TBC1D2B: variants seen among roughly 807,000 people sequenced by gnomAD.
TBC1D2B encodes TBC1 domain family member 2B, also known as TBC1 domain family, member 2B.
Under a neutral mutation model 100.8 loss-of-function variants are expected in TBC1D2B, and 64 were observed. That is an observed-to-expected ratio of 0.64 (90% CI 0.52 to 0.78). The LOEUF (loss-of-function observed/expected upper bound fraction) is 0.78, where lower values mean the gene tolerates loss of function less well. Among genes scored for constraint, TBC1D2B ranks in the 30% least tolerant of loss-of-function variants. The pLI is 0.00. For synonymous variants in TBC1D2B, 480 were observed against 479.7 expected, an observed-to-expected ratio of 1.00 and a Z score of -0.01; for missense variants, 1,052 against 1,218.4, an observed-to-expected ratio of 0.86 and a Z score of 2.03.
rs142902001 is a variant in TBC1D2B, at chr15:78,066,895, T to C, written c.360+10398A>G. On this transcript the variant is annotated intron_variant, in intron 1 of 12. Coordinates refer to ENST00000300584, the MANE Select transcript of TBC1D2B (RefSeq NM_144572.2). The stretch of plus-strand genomic sequence containing the variant: ...ATCTCTGCCAGGGAAACATCACTGA[T>C]GCCTCCTATCAAGTCAACCCCCACT... Among the ~76,000 whole-genome samples the C allele has an allele frequency of 3.2e-4, 49 of 152,340 alleles. 2 individuals are homozygous for C. The East Asian group carries it at 8.5e-3, about 26-fold the overall frequency.
intron 11 of TBC1D2B, chr15:78,002,732 T>C (rs928787174): frequency 5.2e-5 from 8 of 153,022 alleles, no homozygotes; most frequent in African/African-American, 1.4e-4. Flanking sequence ...CACATGCCAC[T>C]GTGCCCGGCT....
chr15:78,035,109 C>T (rs1181587678), intron 3 of TBC1D2B, among the ~76,000 whole-genome samples: 2 of 152,184 alleles, frequency 1.3e-5, no homozygotes, highest in South Asian at 2.1e-4. Context: ...GTGCCAGGTG[C>T]CCACCTATAA....
chr15:78,001,530 T>G, intron 12 of TBC1D2B, 89 bp downstream of exon 12: 1 of 1,451,860 alleles, frequency 6.9e-7, no homozygotes, highest in Non-Finnish European at 9.2e-7. Flanking sequence ...TGGCTCTGAG[T>G]TGGAAGACAG....
rs187299814 is a variant in TBC1D2B at position 78,001,852 on chromosome 15, C to T, written c.2575-112G>A. The T allele has an allele frequency of 3.2e-4, 402 of 1,239,928 alleles. 3 individuals are homozygous for T. The highest frequency in any genetic ancestry group is 1.9e-3 in the South Asian group (121 of 64,306). The allele number at this position is 1,239,928 out of a possible 1,614,324, so 76.8% of individuals were successfully genotyped here. On this transcript the variant is annotated intron_variant, in intron 11 of 12. Coordinates refer to ENST00000300584, the MANE Select transcript of TBC1D2B (RefSeq NM_144572.2). ...TGGGGACAGGGGGACATGGCTTGCA[C>T]GGTCCCCGCCCTGGGGAAAGACTAT...
intron 1 of TBC1D2B, among the ~76,000 whole-genome samples, chr15:78,055,427 CAAG>C (rs1301782286): frequency 6.6e-6 from 1 of 152,080 alleles, no homozygotes; most frequent in East Asian, 1.9e-4. Context: ...AAAGGAGTCC[CAAG>C]AAGAAGGAAA....
rs1426672440 is a variant in TBC1D2B at position 78,077,564 on chromosome 15, G to A, written c.89C>T (p.Pro30Leu). ...QGAAAEPGAG[P>L]AREPARLCGY... The stretch of plus-strand genomic sequence containing the variant: ...ACACAGCCGCGCTGGCTCCCGCGCC[G>A]GACCCGCCCCGGGCTCCGCGGCCGC... Residue 30 changes from proline (P) to leucine (L), a missense_variant, in exon 1 of 13, where the codon CCG becomes CTG. Coordinates refer to ENST00000300584, the MANE Select transcript of TBC1D2B (RefSeq NM_144572.2). 2.4e-5 allele frequency: 35 copies of A among 1,440,732 alleles called. No homozygotes were observed. The highest frequency in any genetic ancestry group is 3.2e-5 in the Non-Finnish European group (35 of 1,093,050). The allele number at this position is 1,440,732 out of a possible 1,614,324, so 89.2% of individuals were successfully genotyped here.
intron 1 of TBC1D2B, among the ~76,000 whole-genome samples, chr15:78,064,424 T>C (rs926410077): frequency 3.3e-5 from 5 of 152,240 alleles, no homozygotes; most frequent in Admixed American, 3.3e-4. Context: ...CAAGTCTGCA[T>C]ACCTTCTAGA....
chr15:78,023,015 G>A (rs1257249039), intron 6 of TBC1D2B, among the ~76,000 whole-genome samples: 2 of 152,180 alleles, frequency 1.3e-5, no homozygotes, highest in Non-Finnish European at 2.9e-5. Flanking sequence ...TTCCAGCCAT[G>A]CTGCCATGAT....
Position 78,009,144 on chromosome 15 carries a change from C to T in TBC1D2B, c.2271-30G>A, listed in dbSNP as rs2072153352. On this transcript the variant is annotated intron_variant, in intron 9 of 12. Transcript: ENST00000300584. ...AAGCAAAGGGAGGACAAGATGAGAG[C>T]CCAGGCACAGACAGCTGCTACTACA... 1.3e-6 allele frequency: 2 copies of T among 1,494,970 alleles called. 1 individual carries two copies. The allele number at this position is 1,494,970 out of a possible 1,614,324, so 92.6% of individuals were successfully genotyped here.
intron 1 of TBC1D2B, among the ~76,000 whole-genome samples, chr15:78,076,025 G>C (rs1282106553): frequency 6.6e-6 from 1 of 152,160 alleles, no homozygotes; most frequent in East Asian, 1.9e-4. Flanking sequence ...AGAGGAGTGA[G>C]AGTGAGGGTG....
chr15:78,008,428 A>C (rs564599191), intron 10 of TBC1D2B, among the ~76,000 whole-genome samples: 1 of 152,226 alleles, frequency 6.6e-6, no homozygotes, highest in Non-Finnish European at 1.5e-5. Flanking sequence ...CTGTGGAGGC[A>C]GGTGCCTTGG....
chr15:78,000,264 G>C (rs1208872024), intron 12 of TBC1D2B, among the ~76,000 whole-genome samples: 1 of 152,222 alleles, frequency 6.6e-6, no homozygotes, highest in Non-Finnish European at 1.5e-5. Context: ...GTGTGGGAGG[G>C]GCCAGGTTGG....
At chr15:78,066,157 A>G (rs2073652528) in intron 1 of TBC1D2B, 3 of 451,962 alleles carry the variant, frequency 6.6e-6, no homozygotes, top group South Asian at 4.7e-5. Flanking sequence ...AGGGTCTGCC[A>G]GCCACCATGA....
chr15:78,008,812 C>T (rs1477058818), intron 10 of TBC1D2B, among the ~76,000 whole-genome samples, 185 bp downstream of exon 10: 1 of 152,208 alleles, frequency 6.6e-6, no homozygotes, highest in South Asian at 2.1e-4. Flanking sequence ...CCAACTCGGC[C>T]TCAGTCACAA....
At chr15:78,046,924 T>C (rs2073207801) in intron 2 of TBC1D2B, among the ~76,000 whole-genome samples, 1 of 152,204 alleles carries the variant, frequency 6.6e-6, no homozygotes, top group Admixed American at 6.5e-5. Context: ...TGCCACATGA[T>C]GGGCCTGCAC....
At chr15:78,066,229 C>A (rs893761567) in intron 1 of TBC1D2B, 13 of 353,382 alleles carry the variant, frequency 3.7e-5, no homozygotes, top group African/African-American at 2.6e-4. Context: ...CACTCCTCTG[C>A]AGCATAGAAA....
intron 3 of TBC1D2B, among the ~76,000 whole-genome samples, chr15:78,031,550 T>C (rs1447898484): frequency 1.4e-4 from 1 of 7,116 alleles, no homozygotes; most frequent in East Asian, 0.1. Context: ...CAAGACTCTG[T>C]CTCCAAAAAA....
chr15:78,054,328 T>C, intron 1 of TBC1D2B, 141 bp from the exon 2 acceptor site: 1 of 831,290 alleles, frequency 1.2e-6, no homozygotes, highest in Admixed American at 3.7e-5. Context: ...AGTTACAAGA[T>C]TAGTAGCTTT....
chr15:78,040,855 G>GAAGGAAGAAAGA lies in TBC1D2B; in HGVS notation c.683+4044_683+4045insTCTTTCTTCCTT, dbSNP rs71447186. ...AGAAAGAAAAAAGAAAGAAAGAAAG[G>GAAGGAAGAAAGA]AAGAAAGAAAGAAAGAAAGAAAGAA... On this transcript the variant is annotated intron_variant, in intron 3 of 12. Coordinates refer to ENST00000300584, the MANE Select transcript of TBC1D2B (RefSeq NM_144572.2). 4.4e-3 allele frequency among the ~76,000 whole-genome samples: 328 copies of GAAGGAAGAAAGA among 74,718 alleles called. 4 individuals carry two copies. The highest frequency in any genetic ancestry group is 0.011 in the African/African-American group (237 of 22,080). The allele number at this position is 74,718 out of a possible 152,430, so 49.0% of individuals were successfully genotyped here.
Sources: gnomAD v4.1 joint callset for allele counts (sites outside exome capture counted in the v4.1 genomes callset) on GRCh38, gnomAD v4.1.1 for gene constraint, MANE v1.5 for transcripts, NCBI Gene and HGNC (gene_info 2026-07-23, HGNC 2026-07-21) for gene names.